EYS: variants seen among roughly 807,000 people sequenced by gnomAD.
EYS encodes EGF-like photoreceptor maintenance factor.
A neutral mutation model predicts 282.1 loss-of-function variants in EYS; 250 were observed. The observed-to-expected ratio is 0.89, with a 90% CI of 0.80 to 0.98. EYS has a LOEUF of 0.98. Ranked by LOEUF, EYS falls within the 50% of genes least tolerant of loss-of-function variation. The pLI is 0.00. For missense variants in EYS, 4,016 were observed against 3,709.0 expected (o/e 1.08, Z -2.15); for synonymous variants, 1,355 against 1,282.9 (o/e 1.06, Z -1.20).
chr6:64,061,129 T>A (rs1403507888), intron 33 of EYS, among the ~76,000 whole-genome samples: 2 of 152,110 alleles, frequency 1.3e-5, no homozygotes, highest in Admixed American at 6.6e-5. Context: ...GTTAGTAGCA[T>A]CTAAGGAAGG....
intron 26 of EYS, among the ~76,000 whole-genome samples, chr6:64,481,789 G>A (rs545512030): frequency 2.0e-5 from 3 of 151,628 alleles, no homozygotes; most frequent in Admixed American, 6.6e-5. Context: ...TATCTTCAGT[G>A]TATGAGCTCA....
rs183864822 is a variant in EYS, at chr6:65,508,845, A to G, written c.-332-12852T>C. Among the ~76,000 whole-genome samples, 685 of 152,172 alleles carry G rather than the reference A, an allele frequency of 4.5e-3. 5 individuals carry two copies. Among genetic ancestry groups the G allele is most frequent in the African/African-American group, 0.015 (628 of 41,514 alleles). On this transcript the variant is annotated intron_variant, in intron 2 of 42. Transcript: ENST00000503581. ...TTTGTTAGAAAGAAGATCTGGGTTC[A>G]TTTAAAAAGGATAACTCTTCCCCTC...
intron 2 of EYS, among the ~76,000 whole-genome samples, chr6:65,523,567 G>A (rs62407703): frequency 3.9e-5 from 6 of 152,164 alleles, no homozygotes; most frequent in Non-Finnish European, 8.8e-5. Flanking sequence ...GCACAAAGTT[G>A]CAGCTATGTA....
At chr6:64,380,259 T>C (rs1772700950) in intron 29 of EYS, among the ~76,000 whole-genome samples, 1 of 152,142 alleles carries the variant, frequency 6.6e-6, no homozygotes, top group South Asian at 2.1e-4. Context: ...TACAAACAAA[T>C]GTAAATGTGT....
intron 12 of EYS, among the ~76,000 whole-genome samples, chr6:65,278,382 T>C (rs1768122346): frequency 4.5e-5 from 2 of 44,386 alleles, no homozygotes. Context: ...ATATATTTTA[T>C]AGAAATGTAT....
chr6:64,960,634 C>A (rs1769880636), intron 14 of EYS, among the ~76,000 whole-genome samples: 1 of 152,104 alleles, frequency 6.6e-6, no homozygotes, highest in Non-Finnish European at 1.5e-5. Flanking sequence ...TTTGGCATTT[C>A]TATATTTTTC....
At chr6:63,779,854 C>T (rs1436621654) in intron 39 of EYS, among the ~76,000 whole-genome samples, 2 of 151,642 alleles carry the variant, frequency 1.3e-5, no homozygotes, top group African/African-American at 2.4e-5. Context: ...CCCATTAACT[C>T]GTCATTTACA....
chr6:65,675,746 T>G (rs935119832), intron 1 of EYS, among the ~76,000 whole-genome samples: 1 of 151,852 alleles, frequency 6.6e-6, no homozygotes, highest in Admixed American at 6.6e-5. Context: ...ATAGTCTGAT[T>G]GAACCCAACT....
chr6:64,817,124 A>T (rs1583188580), intron 21 of EYS, among the ~76,000 whole-genome samples: 1 of 152,246 alleles, frequency 6.6e-6, no homozygotes, highest in South Asian at 2.1e-4. Context: ...TCTCTAAAAT[A>T]ATTTGTAGGA....
intron 5 of EYS, among the ~76,000 whole-genome samples, chr6:65,441,475 AT>A (rs1768325070): frequency 6.6e-6 from 1 of 152,046 alleles, no homozygotes; most frequent in Admixed American, 6.6e-5. Context: ...CTGATATGGA[AT>A]GACAAAATCT....
At chr6:65,493,212 C>A (rs958732227) in intron 4 of EYS, among the ~76,000 whole-genome samples, 1 of 152,084 alleles carries the variant, frequency 6.6e-6, no homozygotes. Flanking sequence ...GCCTCCAAGT[C>A]GGCTCCCATT....
chr6:65,579,421 G>A (rs1442384437), intron 2 of EYS, among the ~76,000 whole-genome samples: 4 of 152,040 alleles, frequency 2.6e-5, no homozygotes, highest in African/African-American at 7.2e-5. Flanking sequence ...TATCAGAGAC[G>A]GCAAAGGTCT....
rs189048730 is a variant in EYS at position 64,325,239 on chromosome 6, A to G, written c.6079-18157T>C. Among the ~76,000 whole-genome samples, 22 of 152,330 alleles carry G rather than the reference A, an allele frequency of 1.4e-4. No individual in the cohort carries two copies. The East Asian group carries it at 3.7e-3, about 25-fold the overall frequency. On this transcript the variant is annotated intron_variant, in intron 29 of 42. Transcript: ENST00000503581. ...ACAGCTGAGAGACCACAGATGGTTA[A>G]TATCACAGGACTCTGTGCAGACAAC...
At chr6:63,753,789 A>G (rs1769406990) in intron 41 of EYS, among the ~76,000 whole-genome samples, 1 of 152,182 alleles carries the variant, frequency 6.6e-6, no homozygotes, top group African/African-American at 2.4e-5. Flanking sequence ...CTGGTATTTT[A>G]ATAATTCAGA....
At chr6:64,811,507 T>C (rs1039695413) in intron 22 of EYS, among the ~76,000 whole-genome samples, 5 of 151,924 alleles carry the variant, frequency 3.3e-5, no homozygotes, top group African/African-American at 4.8e-5. Context: ...ATGGTTTAGG[T>C]GTCCATACCA....
intron 1 of EYS, among the ~76,000 whole-genome samples, chr6:65,686,653 A>G (rs981883501): frequency 2.0e-5 from 3 of 152,170 alleles, no homozygotes; most frequent in Non-Finnish European, 4.4e-5. Flanking sequence ...CTTTTAAAAT[A>G]TCACTTTAAG....
In EYS at chr6:64,965,457, A is replaced by C. The variant is rs185182156; in HGVS notation, c.2260-19543T>G. Among the ~76,000 whole-genome samples the C allele has an allele frequency of 8.5e-5, 13 of 152,112 alleles. No individual in the cohort carries two copies. In the East Asian group the frequency reaches 2.5e-3, roughly 29 times the overall value. On this transcript the variant is annotated intron_variant, in intron 14 of 42. Coordinates refer to ENST00000503581, the MANE Select transcript of EYS (RefSeq NM_001142800.2). ...TATAGGAAAGTAAATGCATTGATAT[A>C]TTTGTAAATGTGCTGATTAACTTGT...
intron 12 of EYS, among the ~76,000 whole-genome samples, chr6:65,266,669 T>C (rs575599735): frequency 1.3e-5 from 2 of 151,934 alleles, no homozygotes; most frequent in African/African-American, 4.8e-5. Flanking sequence ...TGAAATTTTA[T>C]TTTTTTGTTG....
chr6:65,115,969 CT>C lies in EYS; in HGVS notation c.2024-58243del, dbSNP rs1273529508. ...CTGTCTGTCTGTCTGTCTATCTAAT[CT>C]ATCTATCTATCTATCTATCTATCTA... On this transcript the variant is annotated intron_variant, in intron 12 of 42. Coordinates refer to ENST00000503581, the MANE Select transcript of EYS (RefSeq NM_001142800.2). Among the ~76,000 whole-genome samples, 659 of 105,854 alleles carry C rather than the reference CT, an allele frequency of 6.2e-3. 3 individuals are homozygous for C. The highest frequency in any genetic ancestry group is 0.014 in the Middle Eastern group (3 of 222). 69.4% of individuals were successfully genotyped at this position (105,854 alleles called of 152,430 possible).
Sources: gnomAD v4.1 joint callset for allele counts (sites outside exome capture counted in the v4.1 genomes callset) on GRCh38, gnomAD v4.1.1 for gene constraint, MANE v1.5 for transcripts, NCBI Gene and HGNC (gene_info 2026-07-23, HGNC 2026-07-21) for gene names.